The following GPR63 variants were observed in gnomAD, a reference collection of about 807,000 sequenced individuals.
GPR63 encodes probable G protein-coupled receptor 63.
GPR63 carries 12 observed loss-of-function variants against 23.1 expected under a neutral mutation model. That is an observed-to-expected ratio of 0.52 (90% CI 0.33 to 0.84). GPR63 has a LOEUF of 0.84. Among genes scored for constraint, GPR63 ranks in the 40% least tolerant of loss-of-function variants. The pLI is 0.02. For missense variants in GPR63, 472 were observed against 515.6 expected (o/e 0.92, Z 0.82); for synonymous variants, 172 against 191.1 (o/e 0.90, Z 0.82).
Position 96,799,804 on chromosome 6 carries a change from T to G in GPR63, c.-73A>C, listed in dbSNP as rs1280667477. On this transcript the variant is annotated 5_prime_UTR_variant, in exon 2 of 2. An upstream open reading frame in the 5' UTR loses its in-frame stop. Transcript: ENST00000229955. The stretch of plus-strand genomic sequence containing the variant: ...AGCATTTCAACACAGAACAGCAGTA[T>G]CAGGTCCCATTGATGGGCTTGGAAA... 1 of 1,459,328 alleles carries G rather than the reference T, an allele frequency of 6.9e-7. No individual in the cohort carries two copies. Among genetic ancestry groups the G allele is most frequent in the Non-Finnish European group, 9.6e-7 (1 of 1,040,478 alleles). 90.4% of individuals were successfully genotyped at this position (1,459,328 alleles called of 1,614,324 possible). A position where few individuals can be genotyped will look rare whatever the true frequency, so the allele number is the denominator to read the frequency against.
intron 1 of GPR63, among the ~76,000 whole-genome samples, chr6:96,809,244 TC>T (rs1444936652): frequency 6.6e-6 from 1 of 152,144 alleles, no homozygotes; most frequent in African/African-American, 2.4e-5. Context: ...TCTAGGAGAA[TC>T]CTGCTATCTT....
At chr6:96,828,399 G>A (rs921138793) in intron 1 of GPR63, among the ~76,000 whole-genome samples, 4 of 151,982 alleles carry the variant, frequency 2.6e-5, no homozygotes, top group African/African-American at 9.7e-5. Context: ...GGGGATTAGG[G>A]CTTCAGCATA....
intron 1 of GPR63, among the ~76,000 whole-genome samples, chr6:96,826,509 T>A (rs1774442480): frequency 6.6e-6 from 1 of 152,142 alleles, no homozygotes; most frequent in African/African-American, 2.4e-5. Context: ...TACATTAATG[T>A]CTGCTTTTTC....
rs747074637 is a variant in GPR63, at chr6:96,798,572, G to T, written c.1160C>A (p.Pro387His). The T allele has an allele frequency of 1.2e-5, 20 of 1,614,062 alleles. No individual in the cohort carries two copies. The highest frequency in any genetic ancestry group is 3.3e-5 in the Admixed American group (2 of 60,004). ...KFHDACLDMM[P>H]KSFKFLPQLP... The stretch of plus-strand genomic sequence containing the variant: ...CTGCGGCAAAAACTTGAAGGACTTA[G>T]GCATCATGTCCAGGCAAGCATCATG... The change falls in exon 2 of 2, where the codon CCT becomes CAT. Residue 387 changes from proline (P) to histidine (H), a missense_variant. By Grantham distance (77) the Pro-to-His change is moderately conservative. Coordinates refer to ENST00000229955, the MANE Select transcript of GPR63 (RefSeq NM_030784.4).
intron 1 of GPR63, 110 bp from the exon 2 acceptor site, chr6:96,799,991 C>A (rs1016083203): frequency 2.1e-6 from 1 of 479,366 alleles, no homozygotes. Flanking sequence ...TCTTTTTGAC[C>A]GTTTAAAAAT....
intron 1 of GPR63, among the ~76,000 whole-genome samples, chr6:96,837,010 G>C (rs1281782246): frequency 1.3e-5 from 2 of 152,050 alleles, no homozygotes; most frequent in Admixed American, 1.3e-4. Context: ...GGGGGCGGGC[G>C]GCCCGGGAGA....
At chr6:96,808,462 C>T (rs917211558) in intron 1 of GPR63, among the ~76,000 whole-genome samples, 1 of 152,122 alleles carries the variant, frequency 6.6e-6, no homozygotes, top group Admixed American at 6.6e-5. Context: ...GGAGTGACCA[C>T]CTTTTAATCA....
Position 96,825,103 on chromosome 6 carries a change from C to T in GPR63, c.-151+12165G>A, listed in dbSNP as rs1774406625. ...TATTATACCTCACTCATGCTCAATC[C>T]TCATTTTATTTCTTCTAGCAAATAG... On this transcript the variant is annotated intron_variant, in intron 1 of 1. Transcript: ENST00000229955. Among the ~76,000 whole-genome samples the T allele has an allele frequency of 2.6e-5, 4 of 151,996 alleles. 1 individual carries two copies. In the South Asian group the frequency reaches 6.2e-4, roughly 24 times the overall value.
rs1157869371 is a variant in GPR63, at chr6:96,799,153, A to C, written c.579T>G (p.Tyr193Ter). ...AAACTGCAATCAGAACCTTAGCTCTATATGGGTTTAGCTTATCCTGCCTCT... is the reference window on the plus strand; with the variant it reads ...AAACTGCAATCAGAACCTTAGCTCTCTATGGGTTTAGCTTATCCTGCCTCT... ...IVQRQDKLNP[Y>*]RAKVLIAVSW... Residue 193 changes from tyrosine to a stop codon, truncating the protein, a stop_gained, in exon 2 of 2, where the codon TAT becomes TAG. Coordinates refer to ENST00000229955, the MANE Select transcript of GPR63 (RefSeq NM_030784.4). LOFTEE classifies it high-confidence loss of function. 7 of 1,614,196 alleles carry C rather than the reference A, an allele frequency of 4.3e-6. No homozygotes were observed. Among genetic ancestry groups the C allele is most frequent in the Non-Finnish European group, 5.9e-6 (7 of 1,180,036 alleles).
At chr6:96,818,716 T>C (rs1356549296) in intron 1 of GPR63, among the ~76,000 whole-genome samples, 1 of 152,124 alleles carries the variant, frequency 6.6e-6, no homozygotes, top group Non-Finnish European at 1.5e-5. Context: ...TATCAAAATA[T>C]TAACACACAT....
chr6:96,819,724 C>CAA (rs112287597), intron 1 of GPR63, among the ~76,000 whole-genome samples: 2,694 of 129,888 alleles, frequency 0.021, 87 homozygotes, highest in African/African-American at 0.071. Flanking sequence ...ACTAAATTGC[C>CAA]AAAAAAAAAA....
At position 96,799,276 on chromosome 6, in the gene GPR63, G is replaced by GA. The variant is rs1288656571; in HGVS notation, c.455dup (p.Phe153LeufsTer3). Reference sequence around the variant, plus strand: ...AAAACATAGCAGATACCCTACAGAAGAATTTCCCAAAAATCCATCGGGTAG... The same window carrying GA: ...AAAACATAGCAGATACCCTACAGAAGAAATTTCCCAAAAATCCATCGGGTAG... On this transcript the variant is annotated frameshift_variant, in exon 2 of 2. Transcript: ENST00000229955. LOFTEE classifies it high-confidence loss of function. 2 of 1,613,920 alleles carry GA rather than the reference G, an allele frequency of 1.2e-6. No individual in the cohort carries two copies. The highest frequency in any genetic ancestry group is 2.7e-5 in the African/African-American group (2 of 74,884).
chr6:96,806,715 T>C (rs1773906401), intron 1 of GPR63, among the ~76,000 whole-genome samples: 1 of 152,156 alleles, frequency 6.6e-6, no homozygotes, highest in Non-Finnish European at 1.5e-5. Flanking sequence ...TACAGAAGGG[T>C]ATGTATGAAA....
At chr6:96,827,551 AT>A (rs1774475563) in intron 1 of GPR63, among the ~76,000 whole-genome samples, 1 of 152,160 alleles carries the variant, frequency 6.6e-6, no homozygotes, top group South Asian at 2.1e-4. Flanking sequence ...AGATGTTAAA[AT>A]TCATACCCAA....
At chr6:96,819,744 A>C (rs1582267385) in intron 1 of GPR63, among the ~76,000 whole-genome samples, 1 of 150,148 alleles carries the variant, frequency 6.7e-6, no homozygotes, top group East Asian at 2.0e-4. Flanking sequence ...ACAAAAAAAC[A>C]AAAAAAAACG....
rs1225342576 is a variant in GPR63, at chr6:96,796,756, C to T, written c.*1716G>A. On this transcript the variant is annotated 3_prime_UTR_variant, in exon 2 of 2. Coordinates refer to ENST00000229955, the MANE Select transcript of GPR63 (RefSeq NM_030784.4). ...ACTTACAACTAACACAGATGGACAACTGGAAACCTCCAAACCCGCAGGGGC... is the reference window on the plus strand; with the variant it reads ...ACTTACAACTAACACAGATGGACAATTGGAAACCTCCAAACCCGCAGGGGC... The T allele has an allele frequency of 1.3e-5, 2 of 152,144 alleles. No homozygotes were observed. Among genetic ancestry groups the T allele is most frequent in the African/African-American group, 4.8e-5 (2 of 41,422 alleles). The allele number at this position is 152,144 out of a possible 1,614,324, so 9.4% of individuals were successfully genotyped here.
chr6:96,804,183 G>T (rs180982109), intron 1 of GPR63, among the ~76,000 whole-genome samples: 1 of 152,266 alleles, frequency 6.6e-6, no homozygotes, highest in East Asian at 1.9e-4. Context: ...ATGGTCAGTA[G>T]CGGTTGTAGT....
intron 1 of GPR63, among the ~76,000 whole-genome samples, chr6:96,834,065 G>A (rs983926820): frequency 6.6e-6 from 1 of 152,092 alleles, no homozygotes. Flanking sequence ...TTTCACGCTT[G>A]AGTTTTCTGA....
intron 1 of GPR63, among the ~76,000 whole-genome samples, chr6:96,820,998 T>C (rs939113022): frequency 6.6e-6 from 1 of 152,204 alleles, no homozygotes; most frequent in Non-Finnish European, 1.5e-5. Flanking sequence ...AACAATAGTC[T>C]ATCTATTGAG....
Sources: gnomAD v4.1 joint callset for allele counts (sites outside exome capture counted in the v4.1 genomes callset) on GRCh38, gnomAD v4.1.1 for gene constraint, MANE v1.5 for transcripts, NCBI Gene and HGNC (gene_info 2026-07-23, HGNC 2026-07-21) for gene names.